Variants in ASAP1 observed in about 807,000 individuals in gnomAD.
ASAP1 encodes arf-GAP with SH3 domain, ANK repeat and PH domain-containing protein 1.
A neutral mutation model predicts 145.2 loss-of-function variants in ASAP1; 43 were observed. The ratio of observed to expected loss-of-function variants is 0.30; its 90% CI spans 0.23 to 0.38. The LOEUF is 0.38. ASAP1 is among the 10% of genes least tolerant of loss of function. The pLI, the probability that ASAP1 is intolerant of heterozygous loss-of-function variation, is 1.00. For synonymous variants in ASAP1, 546 were observed against 515.5 expected (o/e 1.06, Z -0.80); for missense variants, 1,018 against 1,355.3 (o/e 0.75, Z 3.91).
chr8:130,304,912 A>G (rs898888981), intron 3 of ASAP1, among the ~76,000 whole-genome samples: 20 of 152,246 alleles, frequency 1.3e-4, no homozygotes, highest in Non-Finnish European at 1.6e-4. Context: ...TATTTAGAGT[A>G]AAAGCCAAAG....
chr8:130,263,938 ACT>A, intron 3 of ASAP1, among the ~76,000 whole-genome samples: 1 of 152,148 alleles, frequency 6.6e-6, no homozygotes, highest in South Asian at 2.1e-4. Context: ...CAGGCCAATG[ACT>A]CACACACATT....
intron 13 of ASAP1, among the ~76,000 whole-genome samples, chr8:130,140,820 C>CG: frequency 6.6e-6 from 1 of 152,284 alleles, no homozygotes; most frequent in South Asian, 2.1e-4. Context: ...GCCAAGTACG[C>CG]ATAAGTTTTG....
At chr8:130,303,900 C>T (rs1475341621) in intron 3 of ASAP1, among the ~76,000 whole-genome samples, 1 of 152,072 alleles carries the variant, frequency 6.6e-6, no homozygotes, top group Non-Finnish European at 1.5e-5. Context: ...ATAGAGTGAA[C>T]TACACTATGA....
At chr8:130,400,558 C>T (rs7842504) in intron 2 of ASAP1, among the ~76,000 whole-genome samples, 2,689 of 151,488 alleles carry the variant, frequency 0.018, 78 homozygotes, top group African/African-American at 0.059. Flanking sequence ...GAGGCCGAGG[C>T]GGGCAGATCA....
intron 13 of ASAP1, 142 bp from the exon 14 acceptor site, chr8:130,137,180 A>T (rs1160900366): frequency 9.9e-6 from 7 of 708,224 alleles, no homozygotes; most frequent in Non-Finnish European, 1.7e-5. Context: ...AGAAACAGAC[A>T]TCTGAGCATT....
At chr8:130,107,873 G>A (rs965427868) in intron 24 of ASAP1, among the ~76,000 whole-genome samples, 13 of 152,150 alleles carry the variant, frequency 8.5e-5, no homozygotes, top group Middle Eastern at 3.2e-3. Context: ...TGTGTGGCAC[G>A]GAAAAGAAGG....
At chr8:130,393,706 A>G (rs1392140258) in intron 2 of ASAP1, among the ~76,000 whole-genome samples, 1 of 152,196 alleles carries the variant, frequency 6.6e-6, no homozygotes, top group Non-Finnish European at 1.5e-5. Flanking sequence ...CAGTGGGCCA[A>G]GATCTCACCA....
intron 2 of ASAP1, chr8:130,361,872 A>T: frequency 1.3e-6 from 1 of 797,928 alleles, no homozygotes; most frequent in Non-Finnish European, 2.1e-6. Flanking sequence ...AGCCAGGAAA[A>T]ATGTGCGCAC....
chr8:130,335,513 T>C (rs1220672735), intron 3 of ASAP1, among the ~76,000 whole-genome samples: 1 of 152,180 alleles, frequency 6.6e-6, no homozygotes, highest in Non-Finnish European at 1.5e-5. Context: ...ATGCATGAAA[T>C]TGTCCTATTA....
intron 25 of ASAP1, among the ~76,000 whole-genome samples, chr8:130,087,374 G>A (rs2097495842): frequency 6.6e-6 from 1 of 152,142 alleles, no homozygotes; most frequent in Non-Finnish European, 1.5e-5. Flanking sequence ...ACAAAAATCA[G>A]CTGGACATTG....
At chr8:130,117,955 T>G (rs111888778) in intron 20 of ASAP1, among the ~76,000 whole-genome samples, 4 of 152,378 alleles carry the variant, frequency 2.6e-5, no homozygotes, top group African/African-American at 9.6e-5. Context: ...GTTTACACAT[T>G]GTCAGTGGCT....
At chr8:130,234,618 G>T (rs189999145) in intron 4 of ASAP1, among the ~76,000 whole-genome samples, 150 of 152,264 alleles carry the variant, frequency 9.9e-4, no homozygotes, top group African/African-American at 3.5e-3. Context: ...GCCTTTGTAT[G>T]AGCTGCTGAG....
chr8:130,188,013 A>T, intron 6 of ASAP1, 96 bp downstream of exon 6: 2 of 863,970 alleles, frequency 2.3e-6, no homozygotes, highest in Non-Finnish European at 3.7e-6. Flanking sequence ...ATGTTCAAAG[A>T]GTCTTTCAAA....
chr8:130,098,251 GC>G lies in ASAP1; in HGVS notation c.2402-6109del, dbSNP rs535033745. On this transcript the variant is annotated intron_variant, in intron 24 of 29. Coordinates refer to ENST00000518721, the MANE Select transcript of ASAP1 (RefSeq NM_018482.4). ...GGCCAGACTCTCAGCCTTGACAACA[GC>G]TTGCTTCCCTTCCTCTAAATGGCAT... Among the ~76,000 whole-genome samples the G allele has an allele frequency of 1.8e-3, 281 of 152,268 alleles. 1 individual carries two copies. The highest frequency in any genetic ancestry group is 6.3e-3 in the African/African-American group (263 of 41,544).
At chr8:130,352,676 T>G (rs1166828664) in intron 3 of ASAP1, among the ~76,000 whole-genome samples, 2 of 152,212 alleles carry the variant, frequency 1.3e-5, no homozygotes, top group African/African-American at 4.8e-5. Context: ...AATACTTAAC[T>G]GCTGTAATCC....
chr8:130,332,426 G>A (rs1824752463), intron 3 of ASAP1, among the ~76,000 whole-genome samples: 2 of 152,066 alleles, frequency 1.3e-5, no homozygotes, highest in Admixed American at 6.5e-5. Flanking sequence ...TCATTTCTGT[G>A]ATTATGTCAT....
intron 16 of ASAP1, among the ~76,000 whole-genome samples, chr8:130,127,501 G>A (rs2097576787): frequency 1.3e-5 from 2 of 152,206 alleles, no homozygotes; most frequent in Admixed American, 1.3e-4. Flanking sequence ...ACAGGCGTGA[G>A]CCACCGTGCC....
chr8:130,425,089 G>A (rs1829866825), intron 1 of ASAP1, among the ~76,000 whole-genome samples: 1 of 152,158 alleles, frequency 6.6e-6, no homozygotes, highest in Admixed American at 6.5e-5. Flanking sequence ...CCAACACTTT[G>A]AGAGGCCGAA....
At chr8:130,389,381 A>C (rs1490318554) in intron 2 of ASAP1, among the ~76,000 whole-genome samples, 1 of 152,224 alleles carries the variant, frequency 6.6e-6, no homozygotes. Flanking sequence ...AAAATGGCTG[A>C]CTAATGCACT....
Sources: gnomAD v4.1 joint callset for allele counts (sites outside exome capture counted in the v4.1 genomes callset) on GRCh38, gnomAD v4.1.1 for gene constraint, MANE v1.5 for transcripts, NCBI Gene and HGNC (gene_info 2026-07-23, HGNC 2026-07-21) for gene names.